Variants in PLK1 observed in about 807,000 individuals in gnomAD.
The protein encoded by PLK1 is serine/threonine-protein kinase PLK1.
Under a neutral mutation model 56.7 loss-of-function variants are expected in PLK1, and 6 were observed. That is an observed-to-expected ratio of 0.11 (90% CI 0.06 to 0.21). The LOEUF (loss-of-function observed/expected upper bound fraction) is 0.21, where lower values mean the gene tolerates loss of function less well. PLK1 is among the 10% of genes least tolerant of loss of function. The pLI is 1.00. For synonymous variants in PLK1, 298 were observed against 325.0 expected, an observed-to-expected ratio of 0.92 and a Z score of 0.89; for missense variants, 546 against 814.4, an observed-to-expected ratio of 0.67 and a Z score of 4.01.
At position 23,689,458 on chromosome 16, in the gene PLK1, T is replaced by G. The variant is rs1248083447; in HGVS notation, c.1426-36T>G. 6.3e-7 allele frequency: 1 copy of G among 1,599,820 alleles called. No individual in the cohort carries two copies. Among genetic ancestry groups the G allele is most frequent in the Admixed American group, 1.7e-5 (1 of 59,748 alleles). ...TGGGACCTGTGCTGGAGGATCAGACTCTAATTCTGGAACCCCTTACCTACT... is the reference window on the plus strand; with the variant it reads ...TGGGACCTGTGCTGGAGGATCAGACGCTAATTCTGGAACCCCTTACCTACT... On this transcript the variant is annotated intron_variant, in intron 8 of 9. Coordinates refer to ENST00000300093, the MANE Select transcript of PLK1 (RefSeq NM_005030.6). The surrounding 1 kb of genome is among the most constrained non-coding windows in gnomAD (Gnocchi z 4.8).
rs1187983580 is a variant in PLK1, at chr16:23,679,239, T to G, written c.307T>G (p.Ser103Ala). 1.2e-6 allele frequency: 2 copies of G among 1,613,990 alleles called. No individual in the cohort carries two copies. The highest frequency in any genetic ancestry group is 1.7e-5 in the Admixed American group (1 of 59,996). ...HQREKMSMEISIHRSLAHQHV... is the reference protein window; with the variant it reads ...HQREKMSMEIAIHRSLAHQHV... ...GAGGGAGAAGATGTCCATGGAAATA[T>G]CCATTCACCGCAGCCTCGCCCACCA... The change falls in exon 1 of 10, where the codon TCC becomes GCC. Residue 103 changes from serine to alanine, a missense_variant. By Grantham distance (99) the Ser-to-Ala change is moderately conservative. Transcript: ENST00000300093.
chr16:23,688,757 C>A lies in PLK1; in HGVS notation c.1270+12C>A. 1 of 1,596,408 alleles carries A rather than the reference C, an allele frequency of 6.3e-7. No homozygotes were observed. The highest frequency in any genetic ancestry group is 8.6e-7 in the Non-Finnish European group (1 of 1,163,804). On this transcript the variant is annotated intron_variant, in intron 7 of 9. Coordinates refer to ENST00000300093, the MANE Select transcript of PLK1 (RefSeq NM_005030.6). ...CAAGTACGGCCTTGGTAGGTTTCTT[C>A]CAGAACAGGTGGGTGACTCAGGCAC...
intron 1 of PLK1, 183 bp from the exon 2 acceptor site, chr16:23,679,901 G>T (rs762447141): frequency 3.2e-5 from 18 of 566,438 alleles, no homozygotes; most frequent in Non-Finnish European, 5.1e-5. Context: ...TCCAGATGCC[G>T]CTGTGCTGGA....
intron 4 of PLK1, among the ~76,000 whole-genome samples, chr16:23,682,823 T>C (rs1959356982): frequency 6.7e-6 from 1 of 149,916 alleles, no homozygotes; most frequent in African/African-American, 2.4e-5. Context: ...TGAGCCACCA[T>C]ACCCAGCCTG....
intron 5 of PLK1, among the ~76,000 whole-genome samples, chr16:23,685,557 G>C (rs1959413215): frequency 6.6e-6 from 1 of 151,848 alleles, no homozygotes; most frequent in Non-Finnish European, 1.5e-5. Flanking sequence ...AAATACAAAA[G>C]ACTAGCCGGG....
intron 4 of PLK1, among the ~76,000 whole-genome samples, chr16:23,683,392 G>T (rs972956454): frequency 1.3e-5 from 2 of 152,202 alleles, no homozygotes; most frequent in Non-Finnish European, 2.9e-5. Context: ...TAGTGTCCTT[G>T]TGTGAAGCCA....
rs745428063 is a variant in PLK1, at chr16:23,678,913, T to G, written c.-20T>G. The G allele has an allele frequency of 6.7e-7, 1 of 1,490,628 alleles. No homozygotes were observed. Among genetic ancestry groups the G allele is most frequent in the African/African-American group, 1.4e-5 (1 of 71,604 alleles). 92.3% of individuals were successfully genotyped at this position (1,490,628 alleles called of 1,614,324 possible). On this transcript the variant is annotated 5_prime_UTR_variant, in exon 1 of 10. Coordinates refer to ENST00000300093, the MANE Select transcript of PLK1 (RefSeq NM_005030.6). ...CGGAGGCTCTGCTCGGATCGAGGTC[T>G]GCAGCGCAGCTTCGGGAGCATGAGT...
chr16:23,683,931 G>A lies in PLK1; in HGVS notation c.878G>A (p.Arg293His), dbSNP rs1041097622. ...QKMLQTDPTA[R>H]PTINELLNDE... ...ATGCTTCAGACAGATCCCACTGCCC[G>A]CCCAACCATTAACGAGCTGCTTAAT... is the stretch of plus-strand genomic sequence containing the variant. Residue 293 changes from arginine to histidine, a missense_variant, in exon 5 of 10, where the codon CGC becomes CAC. Arg to His is a conservative substitution (Grantham distance 29). Around this residue, in one of 7 missense-constraint regions of PLK1, gnomAD observed 157 missense variants for 184.0 expected, o/e 0.85. Transcript: ENST00000300093. 6.2e-7 allele frequency: 1 copy of A among 1,614,028 alleles called. No homozygotes were observed. The highest frequency in any genetic ancestry group is 8.5e-7 in the Non-Finnish European group (1 of 1,179,980).
intron 4 of PLK1, among the ~76,000 whole-genome samples, chr16:23,682,825 C>T (rs1048690117): frequency 6.6e-6 from 1 of 151,546 alleles, no homozygotes; most frequent in Non-Finnish European, 1.5e-5. Context: ...AGCCACCATA[C>T]CCAGCCTGGC....
chr16:23,690,018 G>A lies in PLK1; in HGVS notation c.1767G>A (p.Lys589=), dbSNP rs1267514505. 1 of 1,613,104 alleles carries A rather than the reference G, an allele frequency of 6.2e-7. No individual in the cohort carries two copies. The highest frequency in any genetic ancestry group is 8.5e-7 in the Non-Finnish European group (1 of 1,180,008). The stretch of plus-strand genomic sequence containing the variant: ...GCTACGCCCGCACTATGGTGGACAA[G>A]CTGCTGAGCTCACGCTCGGCCAGCA... ...RLRYARTMVD[K]LLSSRSASNR... is the part of the protein sequence containing the mutation. The change falls in exon 10 of 10, where the codon AAG becomes AAA. Residue 589 remains lysine (K), a synonymous_variant. Transcript: ENST00000300093.
chr16:23,679,445 G>T, intron 1 of PLK1, 105 bp downstream of exon 1: 2 of 1,102,526 alleles, frequency 1.8e-6, no homozygotes, highest in Non-Finnish European at 2.6e-6. Context: ...CTGGGACTTG[G>T]AGCTGCTAGA....
At chr16:23,688,044 C>A (rs1959456839) in intron 6 of PLK1, among the ~76,000 whole-genome samples, 1 of 152,202 alleles carries the variant, frequency 6.6e-6, no homozygotes, top group South Asian at 2.1e-4. Context: ...CCTGGCCCCT[C>A]TGCTGGTGCT....
intron 4 of PLK1, 27 bp from the exon 5 acceptor site, chr16:23,683,843 T>A (rs1161405189): frequency 6.3e-7 from 1 of 1,582,074 alleles, no homozygotes; most frequent in Non-Finnish European, 8.7e-7. Flanking sequence ...CACATTCTGC[T>A]TATGGCTGTC....
rs940943387 is a variant in PLK1, at chr16:23,685,698, A to G, written c.1036+1609A>G. Among the ~76,000 whole-genome samples, 7 of 148,998 alleles carry G rather than the reference A, an allele frequency of 4.7e-5. No individual in the cohort carries two copies. The East Asian group carries it at 1.4e-3, about 29-fold the overall frequency. ...ACTCCAGCCTGGGCAACAGAGCGAG[A>G]CTCTGTCTCAAAAAAAAAAAAAAAT... On this transcript the variant is annotated intron_variant, in intron 5 of 9. Coordinates refer to ENST00000300093, the MANE Select transcript of PLK1 (RefSeq NM_005030.6).
intron 6 of PLK1, 74 bp downstream of exon 6, chr16:23,687,698 A>G (rs1272015303): frequency 1.7e-6 from 2 of 1,157,794 alleles, no homozygotes; most frequent in African/African-American, 1.6e-5. Context: ...GGCTTGGCCA[A>G]CAAAGCACTG....
At position 23,680,367 on chromosome 16, in the gene PLK1, A is replaced by G. The variant is rs921430847; in HGVS notation, c.577+115A>G. The G allele has an allele frequency of 1.4e-5, 11 of 786,872 alleles. No homozygotes were observed. The African/African-American group carries it at 1.9e-4, about 14-fold the overall frequency. 48.7% of individuals were successfully genotyped at this position (786,872 alleles called of 1,614,324 possible). On this transcript the variant is annotated intron_variant, in intron 2 of 9. Coordinates refer to ENST00000300093, the MANE Select transcript of PLK1 (RefSeq NM_005030.6). ...AAGTCAGTATCTTGCCTACAGATGCATTATTTTTTTGTGCCCCAATGCAAT... is the reference window on the plus strand; with the variant it reads ...AAGTCAGTATCTTGCCTACAGATGCGTTATTTTTTTGTGCCCCAATGCAAT...
chr16:23,682,026 C>A, intron 3 of PLK1, 38 bp from the exon 4 acceptor site: 1 of 1,058,432 alleles, frequency 9.4e-7, no homozygotes, highest in Non-Finnish European at 1.5e-6. Flanking sequence ...TGGGTTGTGG[C>A]TGGGAGACTG....
In PLK1 at chr16:23,684,957, C is replaced by CT. The variant is rs71154221; in HGVS notation, c.1036+910dup. The stretch of plus-strand genomic sequence containing the variant: ...ACAGGCGTGAACCACCAGGCCCGGC[C>CT]TTTTTTTTTTTTTTTTTTTTTTTTT... On this transcript the variant is annotated intron_variant, in intron 5 of 9. Coordinates refer to ENST00000300093, the MANE Select transcript of PLK1 (RefSeq NM_005030.6). Among the ~76,000 whole-genome samples the CT allele has an allele frequency of 1.3e-3, 76 of 56,940 alleles. 18 individuals carry two copies. The highest frequency in any genetic ancestry group is 2.1e-3 in the Non-Finnish European group (65 of 30,364). The allele number at this position is 56,940 out of a possible 152,430, so 37.4% of individuals were successfully genotyped here. A position where few individuals can be genotyped will look rare whatever the true frequency, so the allele number is the denominator to read the frequency against.
At chr16:23,686,560 A>T (rs986436925) in intron 5 of PLK1, among the ~76,000 whole-genome samples, 2 of 152,096 alleles carry the variant, frequency 1.3e-5, no homozygotes, top group Non-Finnish European at 2.9e-5. Flanking sequence ...TGGCAAGATC[A>T]TGGCTCACTG....
Sources: allele counts gnomAD v4.1 joint callset (sites outside exome capture counted in the v4.1 genomes callset), GRCh38; gene constraint gnomAD v4.1.1; regional missense constraint gnomAD v4.1.1; non-coding constraint Gnocchi (gnomAD v3.1); transcripts MANE v1.5; gene names NCBI Gene and HGNC (gene_info 2026-07-23, HGNC 2026-07-21).